RSRC1: variants seen among roughly 807,000 people sequenced by gnomAD.
RSRC1 encodes the protein serine/Arginine-related protein 53.
A neutral mutation model predicts 49.1 loss-of-function variants in RSRC1; 39 were observed. The ratio of observed to expected loss-of-function variants is 0.79; its 90% CI spans 0.61 to 1.04. The LOEUF is 1.04. RSRC1 is among the 50% of genes least tolerant of loss of function. The pLI is 0.00. For synonymous variants in RSRC1, 143 were observed against 130.8 expected (o/e 1.09, Z -0.63); for missense variants, 388 against 402.4 (o/e 0.96, Z 0.31).
chr3:158,488,364 G>A (rs983737995), intron 7 of RSRC1, among the ~76,000 whole-genome samples: 4 of 152,000 alleles, frequency 2.6e-5, no homozygotes, highest in Admixed American at 6.5e-5. Context: ...ACAATTAATA[G>A]CATCTTAGAT....
chr3:158,350,179 A>ATAT (rs1730792537), intron 5 of RSRC1, among the ~76,000 whole-genome samples: 3 of 126,560 alleles, frequency 2.4e-5, no homozygotes, highest in African/African-American at 8.8e-5. Flanking sequence ...TATATATATA[A>ATAT]TTTTTTTTTT....
intron 4 of RSRC1, among the ~76,000 whole-genome samples, chr3:158,203,851 C>G (rs1321432367): frequency 1.3e-5 from 2 of 152,044 alleles, no homozygotes; most frequent in African/African-American, 4.8e-5. Flanking sequence ...CTAGTTTTGT[C>G]CATTTAGAGA....
chr3:158,150,579 T>A (rs1717461099), intron 3 of RSRC1, among the ~76,000 whole-genome samples: 1 of 152,128 alleles, frequency 6.6e-6, no homozygotes, highest in Non-Finnish European at 1.5e-5. Flanking sequence ...ATATTAATAT[T>A]ATGTGTTAGG....
In RSRC1 at chr3:158,422,166, C is replaced by T. The variant is rs549860861; in HGVS notation, c.584-38769C>T. 8.7e-4 allele frequency among the ~76,000 whole-genome samples: 131 copies of T among 151,000 alleles called. 1 individual carries two copies. In the East Asian group the frequency reaches 0.026, roughly 30 times the overall value. On this transcript the variant is annotated intron_variant, in intron 6 of 9. Coordinates refer to ENST00000611884, the MANE Select transcript of RSRC1 (RefSeq NM_001271838.2). ...TGTATACATGTGCCATGCTGGTGCG[C>T]TGCACCCACTAACTCATCATCTAGC... is the stretch of plus-strand genomic sequence containing the variant.
intron 4 of RSRC1, among the ~76,000 whole-genome samples, chr3:158,212,198 A>G (rs1029560493): frequency 4.6e-5 from 7 of 151,916 alleles, no homozygotes; most frequent in Admixed American, 4.6e-4. Flanking sequence ...AATGAATAAT[A>G]CATGTTTATT....
At chr3:158,149,045 A>T (rs896731497) in intron 3 of RSRC1, among the ~76,000 whole-genome samples, 1 of 152,164 alleles carries the variant, frequency 6.6e-6, no homozygotes, top group Non-Finnish European at 1.5e-5. Flanking sequence ...CAGCCTTCCA[A>T]AGTGCTGGGA....
chr3:158,415,472 T>C (rs1044057316), intron 6 of RSRC1, among the ~76,000 whole-genome samples: 2 of 152,012 alleles, frequency 1.3e-5, no homozygotes, highest in Non-Finnish European at 2.9e-5. Flanking sequence ...TTTGGCTCCA[T>C]TATTTACTAC....
intron 6 of RSRC1, among the ~76,000 whole-genome samples, chr3:158,442,952 G>A (rs1031424888): frequency 6.6e-6 from 1 of 152,150 alleles, no homozygotes; most frequent in Middle Eastern, 3.4e-3. Flanking sequence ...CAGGTATACT[G>A]TCAATAAGCA....
At chr3:158,429,005 T>TTCTCAG (rs1285376390) in intron 6 of RSRC1, among the ~76,000 whole-genome samples, 1 of 151,866 alleles carries the variant, frequency 6.6e-6, no homozygotes, top group Non-Finnish European at 1.5e-5. Context: ...ATTCTTGAAC[T>TTCTCAG]TCTCAGTTCA....
At chr3:158,527,880 A>G (rs1288196926) in intron 7 of RSRC1, among the ~76,000 whole-genome samples, 1 of 151,958 alleles carries the variant, frequency 6.6e-6, no homozygotes, top group East Asian at 1.9e-4. Flanking sequence ...AATGCATTAC[A>G]TTTTTATCAT....
At chr3:158,125,178 C>CTTAT (rs1715537527) in intron 3 of RSRC1, among the ~76,000 whole-genome samples, 1 of 151,574 alleles carries the variant, frequency 6.6e-6, no homozygotes, top group South Asian at 2.1e-4. Flanking sequence ...TCAAAAAACT[C>CTTAT]TTAGTTTTGT....
At chr3:158,198,749 C>T (rs1720825788) in intron 3 of RSRC1, among the ~76,000 whole-genome samples, 2 of 152,238 alleles carry the variant, frequency 1.3e-5, no homozygotes, top group South Asian at 2.1e-4. Flanking sequence ...CCATCTTCTG[C>T]GTCACTCATG....
chr3:158,304,596 C>T (rs1727739471), intron 5 of RSRC1, among the ~76,000 whole-genome samples: 1 of 152,094 alleles, frequency 6.6e-6, no homozygotes, highest in Non-Finnish European at 1.5e-5. Flanking sequence ...TCAAAATGCA[C>T]TGATGTTACC....
chr3:158,198,570 T>G (rs1037776916), intron 3 of RSRC1, among the ~76,000 whole-genome samples: 4 of 152,138 alleles, frequency 2.6e-5, no homozygotes, highest in Non-Finnish European at 5.9e-5. Flanking sequence ...AGTTGATGCA[T>G]TTTCTTCCTA....
chr3:158,542,959 A>G (rs1713121549), intron 8 of RSRC1, among the ~76,000 whole-genome samples: 2 of 152,210 alleles, frequency 1.3e-5, no homozygotes, highest in African/African-American at 4.8e-5. Context: ...TATGAAATAT[A>G]TGTATATTTC....
At chr3:158,538,654 T>C (rs1712857315) in intron 8 of RSRC1, among the ~76,000 whole-genome samples, 1 of 151,948 alleles carries the variant, frequency 6.6e-6, no homozygotes, top group Non-Finnish European at 1.5e-5. Context: ...TTGGTACTAA[T>C]TGTTAATTTT....
chr3:158,129,224 A>G (rs950510972), intron 3 of RSRC1, among the ~76,000 whole-genome samples: 1 of 149,034 alleles, frequency 6.7e-6, no homozygotes. Context: ...TGTGTATCAT[A>G]TGAGATAGGG....
intron 5 of RSRC1, among the ~76,000 whole-genome samples, chr3:158,307,142 T>C (rs921743901): frequency 6.6e-6 from 1 of 151,854 alleles, no homozygotes; most frequent in Non-Finnish European, 1.5e-5. Context: ...GTTTGTTTGT[T>C]TTTTTTACTG....
At chr3:158,337,634 T>C (rs1431343656) in intron 5 of RSRC1, among the ~76,000 whole-genome samples, 1 of 152,198 alleles carries the variant, frequency 6.6e-6, no homozygotes, top group Non-Finnish European at 1.5e-5. Context: ...CCTAACATAT[T>C]GTTAGCACTG....
Sources: gnomAD v4.1 joint callset for allele counts (sites outside exome capture counted in the v4.1 genomes callset) on GRCh38, gnomAD v4.1.1 for gene constraint, MANE v1.5 for transcripts, NCBI Gene and HGNC (gene_info 2026-07-23, HGNC 2026-07-21) for gene names.